Variants in HMCN1 observed in about 807,000 individuals in gnomAD.
HMCN1 encodes hemicentin 1, also known as hemicentin-1.
HMCN1 carries 321 observed loss-of-function variants against 625.9 expected under a neutral mutation model. The ratio of observed to expected loss-of-function variants is 0.51; its 90% CI spans 0.47 to 0.56. The LOEUF is 0.56. Among genes scored for constraint, HMCN1 ranks in the 20% least tolerant of loss-of-function variants. The probability of loss-of-function intolerance (pLI) is 0.00; values close to 1 mark genes in which losing one functional copy is unlikely to be tolerated. For synonymous variants in HMCN1, 2,425 were observed against 2,417.6 expected (o/e 1.00, Z -0.09); for missense variants, 6,588 against 6,887.3 (o/e 0.96, Z 1.54).
chr1:186,184,503 GAC>G (rs1653156012), intron 105 of HMCN1, among the ~76,000 whole-genome samples: 2 of 152,262 alleles, frequency 1.3e-5, no homozygotes, highest in African/African-American at 2.4e-5. Context: ...AATTGCCTAA[GAC>G]ACAGAGAGGA....
At chr1:185,804,104 C>A (rs561660307) in intron 1 of HMCN1, among the ~76,000 whole-genome samples, 2 of 152,046 alleles carry the variant, frequency 1.3e-5, no homozygotes, top group African/African-American at 4.8e-5. Flanking sequence ...GTTTACTAGT[C>A]AGATTTTTTT....
At chr1:185,941,604 A>T (rs1668084893) in intron 11 of HMCN1, among the ~76,000 whole-genome samples, 1 of 152,206 alleles carries the variant, frequency 6.6e-6, no homozygotes, top group Admixed American at 6.5e-5. Flanking sequence ...CTTGTAGGAA[A>T]AATTTGGTAT....
intron 15 of HMCN1, among the ~76,000 whole-genome samples, chr1:185,974,989 G>A (rs1440209967): frequency 6.6e-6 from 1 of 152,094 alleles, no homozygotes; most frequent in Non-Finnish European, 1.5e-5. Flanking sequence ...GTTGTAATGT[G>A]TCAGTAAACT....
At chr1:186,054,331 T>A (rs550937414) in intron 44 of HMCN1, among the ~76,000 whole-genome samples, 37 of 152,006 alleles carry the variant, frequency 2.4e-4, no homozygotes, top group Non-Finnish European at 5.2e-4. Flanking sequence ...TTTTAAAGAA[T>A]ATTTTACTCG....
Position 186,054,038 on chromosome 1 carries a change from A to G in HMCN1, c.6862+52A>G, listed in dbSNP as rs542026812. Reference sequence around the variant, plus strand: ...GCAAAATGTTCTCTTAAATCTTTTCATCCTTCTCATTTACTTTTAAAAATA... The same window carrying G: ...GCAAAATGTTCTCTTAAATCTTTTCGTCCTTCTCATTTACTTTTAAAAATA... On this transcript the variant is annotated intron_variant, in intron 44 of 106. Coordinates refer to ENST00000271588, the MANE Select transcript of HMCN1 (RefSeq NM_031935.3). 6.5e-6 allele frequency: 10 copies of G among 1,534,210 alleles called. No individual in the cohort carries two copies. The East Asian group carries it at 2.0e-4, about 31-fold the overall frequency.
chr1:185,852,915 T>G (rs1333129773), intron 2 of HMCN1, among the ~76,000 whole-genome samples: 7 of 152,098 alleles, frequency 4.6e-5, no homozygotes, highest in Admixed American at 4.6e-4. Context: ...TTACTATTTC[T>G]TTTTATAAAT....
At chr1:185,770,793 A>G (rs540446469) in intron 1 of HMCN1, among the ~76,000 whole-genome samples, 1 of 152,304 alleles carries the variant, frequency 6.6e-6, no homozygotes, top group Non-Finnish European at 1.5e-5. Flanking sequence ...TTTGATTCCA[A>G]CTGACTGGGC....
At chr1:185,888,100 T>C (rs1664790601) in intron 4 of HMCN1, among the ~76,000 whole-genome samples, 1 of 133,888 alleles carries the variant, frequency 7.5e-6, no homozygotes, top group Non-Finnish European at 1.6e-5. Context: ...GCTGCATAAA[T>C]GTCTTCTTTT....
In HMCN1 at chr1:186,108,547, G is replaced by T. The variant is rs749329290; in HGVS notation, c.10939G>T (p.Ala3647Ser). The T allele has an allele frequency of 1.2e-5, 20 of 1,614,110 alleles. No individual in the cohort carries two copies. Among genetic ancestry groups the T allele is most frequent in the Non-Finnish European group, 1.7e-5 (20 of 1,180,004 alleles). Residue 3647 changes from alanine to serine, a missense_variant, in exon 71 of 107, where the codon GCA (alanine) becomes TCA (serine). Coordinates refer to ENST00000271588, the MANE Select transcript of HMCN1 (RefSeq NM_031935.3). ...AGTGACATTGGAATGCAAGTCAGAT[G>T]CAGTGCCCCCACCTGTAATTACTTG... ...RQVTLECKSD[A>S]VPPPVITWLR...
intron 4 of HMCN1, among the ~76,000 whole-genome samples, chr1:185,906,077 G>T (rs779898349): frequency 7.9e-5 from 12 of 151,640 alleles, no homozygotes; most frequent in Non-Finnish European, 7.4e-5. Flanking sequence ...TATAATAGAA[G>T]ATCATTTCTA....
At chr1:185,893,346 C>T (rs1232361294) in intron 4 of HMCN1, among the ~76,000 whole-genome samples, 1 of 152,068 alleles carries the variant, frequency 6.6e-6, no homozygotes, top group Non-Finnish European at 1.5e-5. Flanking sequence ...CTTGGGGAGA[C>T]TTAAAAGCCT....
At chr1:185,954,594 T>C (rs1262015292) in intron 11 of HMCN1, among the ~76,000 whole-genome samples, 3 of 152,058 alleles carry the variant, frequency 2.0e-5, no homozygotes, top group Non-Finnish European at 4.4e-5. Context: ...ACAAATCCTT[T>C]TAGAGGGAAA....
chr1:186,137,633 T>C lies in HMCN1; in HGVS notation c.13718T>C (p.Leu4573Ser), dbSNP rs1324375721. The C allele has an allele frequency of 6.2e-7, 1 of 1,613,912 alleles. No homozygotes were observed. Among genetic ancestry groups the C allele is most frequent in the Non-Finnish European group, 8.5e-7 (1 of 1,179,964 alleles). Residue 4573 changes from leucine to serine, a missense_variant, in exon 88 of 107, where the codon TTG becomes TCG. By Grantham distance (145) the Leu-to-Ser change is moderately radical. Coordinates refer to ENST00000271588, the MANE Select transcript of HMCN1 (RefSeq NM_031935.3). ...GGGAAGCCCTGCCAAGGTTCAGATT[T>C]GGAAATGCGAAACTGTCAAAATAAG... ...NGGKPCQGSD[L>S]EMRNCQNKPC...
intron 4 of HMCN1, among the ~76,000 whole-genome samples, chr1:185,879,577 T>C (rs1664165384): frequency 6.6e-6 from 1 of 152,210 alleles, no homozygotes; most frequent in Non-Finnish European, 1.5e-5. Context: ...CATAACATTG[T>C]TGAGGCCTAC....
intron 11 of HMCN1, among the ~76,000 whole-genome samples, chr1:185,959,339 C>T (rs1170125137): frequency 6.6e-6 from 1 of 151,966 alleles, no homozygotes; most frequent in Non-Finnish European, 1.5e-5. Context: ...CTTTTTCTTC[C>T]CTAGTTTTTG....
intron 36 of HMCN1, among the ~76,000 whole-genome samples, chr1:186,026,906 A>G (rs2102179967): frequency 6.6e-6 from 1 of 152,136 alleles, no homozygotes; most frequent in South Asian, 2.1e-4. Flanking sequence ...AAGTGTTGGG[A>G]TTACAGGTGT....
At chr1:186,173,458 T>C (rs1374734121) in intron 102 of HMCN1, among the ~76,000 whole-genome samples, 1 of 151,528 alleles carries the variant, frequency 6.6e-6, no homozygotes, top group African/African-American at 2.4e-5. Context: ...CTGGCCAGCA[T>C]GGTGGAACCT....
chr1:185,876,927 T>A (rs892965699), intron 4 of HMCN1, among the ~76,000 whole-genome samples: 1 of 152,074 alleles, frequency 6.6e-6, no homozygotes, highest in African/African-American at 2.4e-5. Flanking sequence ...GTCCCATTTA[T>A]CTATTTTTGG....
chr1:185,819,251 AG>A (rs906723701), intron 1 of HMCN1, among the ~76,000 whole-genome samples: 3 of 151,652 alleles, frequency 2.0e-5, no homozygotes, highest in African/African-American at 7.3e-5. Flanking sequence ...AAAAAAAAAA[AG>A]GACCTGCTGC....
Sources: allele counts gnomAD v4.1 joint callset (sites outside exome capture counted in the v4.1 genomes callset), GRCh38; gene constraint gnomAD v4.1.1; transcripts MANE v1.5; gene names NCBI Gene and HGNC (gene_info 2026-07-23, HGNC 2026-07-21).